The following KIAA1958 variants were observed in gnomAD, a reference collection of about 807,000 sequenced individuals.
The protein encoded by KIAA1958 is KIAA1958, also known as uncharacterized protein KIAA1958.
KIAA1958 carries 14 observed loss-of-function variants against 47.2 expected under a neutral mutation model. The ratio of observed to expected loss-of-function variants is 0.30; its 90% confidence interval spans 0.20 to 0.46. The LOEUF is 0.46. Among genes scored for constraint, KIAA1958 ranks in the 20% least tolerant of loss-of-function variants. The probability of loss-of-function intolerance (pLI) is 1.00; values close to 1 mark genes in which losing one functional copy is unlikely to be tolerated. For missense variants in KIAA1958, 803 were observed against 909.2 expected, an observed-to-expected ratio of 0.88 and a Z score of 1.50; for synonymous variants, 354 against 353.3, an observed-to-expected ratio of 1.00 and a Z score of -0.02.
chr9:112,637,205 C>T (rs184226437), intron 2 of KIAA1958, among the ~76,000 whole-genome samples: 9 of 152,220 alleles, frequency 5.9e-5, no homozygotes, highest in Admixed American at 2.0e-4. Context: ...ACAGCTTATT[C>T]GTTGAGAATC....
intron 1 of KIAA1958, among the ~76,000 whole-genome samples, chr9:112,547,551 A>G (rs1185698846): frequency 2.7e-5 from 4 of 150,592 alleles, no homozygotes; most frequent in African/African-American, 7.4e-5. Flanking sequence ...TTCAGACACA[A>G]TTGGCCAGCA....
At position 112,500,969 on chromosome 9, in the gene KIAA1958, G is replaced by A. The variant is rs564767977; in HGVS notation, c.-25+13851G>A. On this transcript the variant is annotated intron_variant, in intron 1 of 3. Coordinates refer to ENST00000337530, the MANE Select transcript of KIAA1958 (RefSeq NM_133465.4). ...CTACAAAAAAAAAAAAAATTAGCCC[G>A]GCATGGTTGCATGCACCTGTGGTCC... Among the ~76,000 whole-genome samples the A allele has an allele frequency of 1.3e-4, 20 of 151,588 alleles. No homozygotes were observed. The South Asian group carries it at 3.4e-3, about 25-fold the overall frequency.
intron 1 of KIAA1958, among the ~76,000 whole-genome samples, chr9:112,573,482 C>T (rs1187470653): frequency 1.3e-5 from 2 of 152,176 alleles, no homozygotes; most frequent in Non-Finnish European, 2.9e-5. Flanking sequence ...AATCGAGCCC[C>T]TCATCCTCTC....
At chr9:112,537,256 C>T (rs960951181) in intron 1 of KIAA1958, among the ~76,000 whole-genome samples, 1 of 152,070 alleles carries the variant, frequency 6.6e-6, no homozygotes, top group Non-Finnish European at 1.5e-5. Flanking sequence ...CAGGCACAAG[C>T]CACCACACCC....
intron 1 of KIAA1958, among the ~76,000 whole-genome samples, chr9:112,511,765 A>C (rs990945738): frequency 5.9e-5 from 9 of 152,246 alleles, no homozygotes; most frequent in African/African-American, 2.2e-4. Flanking sequence ...AAATTTTAAA[A>C]ATAGAAATAT....
At chr9:112,551,384 C>G (rs909071183) in intron 1 of KIAA1958, among the ~76,000 whole-genome samples, 13 of 152,198 alleles carry the variant, frequency 8.5e-5, no homozygotes, top group African/African-American at 2.9e-4. Flanking sequence ...GTCTTTTTAA[C>G]TAGCTTCTTG....
Position 112,574,619 on chromosome 9 carries a change from C to T in KIAA1958, c.539C>T (p.Ser180Phe), listed in dbSNP as rs762891804. The part of the protein sequence containing the change: ...IARKRPGVVP[S>F]SLHSSSQTQM... ...CGCAAAAGACCTGGGGTAGTCCCAT[C>T]TTCCCTCCATTCAAGCTCCCAGACG... is the stretch of plus-strand genomic sequence containing the variant. Residue 180 changes from serine to phenylalanine, a missense_variant, in exon 2 of 4, where the codon TCT becomes TTT. By Grantham distance (155) the Ser-to-Phe change is radical. Around this residue, in one of 2 missense-constraint regions of KIAA1958, gnomAD observed 761 missense variants for 829.3 expected, o/e 0.92. Coordinates refer to ENST00000337530, the MANE Select transcript of KIAA1958 (RefSeq NM_133465.4). 4.3e-6 allele frequency: 7 copies of T among 1,614,066 alleles called. No homozygotes were observed. The Admixed American group carries it at 5.0e-5, about 12-fold the overall frequency.
intron 1 of KIAA1958, among the ~76,000 whole-genome samples, chr9:112,503,816 A>G (rs891806072): frequency 6.6e-6 from 1 of 151,764 alleles, no homozygotes. Flanking sequence ...TCTCCCTTCC[A>G]TTTTCCCTCC....
Position 112,660,565 on chromosome 9 carries a change from C to CT in KIAA1958, c.*504dup, listed in dbSNP as rs1225489335. ...AGGAGACAGATTGCGCTTGATGCGC[C>CT]TTTTTTTTCTGTTGGTGGATAAGGT... On this transcript the variant is annotated 3_prime_UTR_variant, in exon 4 of 4. Transcript: ENST00000337530. 9.7e-4 allele frequency: 153 copies of CT among 157,032 alleles called. 1 individual carries two copies. Among genetic ancestry groups the CT allele is most frequent in the African/African-American group, 2.4e-3 (101 of 41,436 alleles). The allele number at this position is 157,032 out of a possible 1,614,324, so 9.7% of individuals were successfully genotyped here. A position where few individuals can be genotyped will look rare whatever the true frequency, so the allele number is the denominator to read the frequency against.
intron 1 of KIAA1958, among the ~76,000 whole-genome samples, chr9:112,573,476 G>A (rs148959489): frequency 2.8e-4 from 42 of 152,056 alleles, no homozygotes; most frequent in Non-Finnish European, 4.3e-4. Flanking sequence ...TTCTCAAATC[G>A]AGCCCCTCAT....
At chr9:112,645,066 C>T (rs1428515630) in intron 2 of KIAA1958, among the ~76,000 whole-genome samples, 3 of 150,932 alleles carry the variant, frequency 2.0e-5, no homozygotes, top group Non-Finnish European at 2.9e-5. Flanking sequence ...ACCCAGGAGG[C>T]GGAGGTTGCA....
At chr9:112,538,774 G>A (rs959511996) in intron 1 of KIAA1958, among the ~76,000 whole-genome samples, 1 of 152,152 alleles carries the variant, frequency 6.6e-6, no homozygotes, top group Non-Finnish European at 1.5e-5. Flanking sequence ...AATGATAACA[G>A]TACTATATTA....
intron 1 of KIAA1958, among the ~76,000 whole-genome samples, chr9:112,553,712 A>G (rs1835194895): frequency 6.6e-6 from 1 of 152,170 alleles, no homozygotes; most frequent in African/African-American, 2.4e-5. Flanking sequence ...AATAGGTCAA[A>G]TCTCTGCTTT....
chr9:112,556,751 T>G (rs1835248794), intron 1 of KIAA1958, among the ~76,000 whole-genome samples: 1 of 152,196 alleles, frequency 6.6e-6, no homozygotes, highest in Admixed American at 6.5e-5. Flanking sequence ...AGTGTTGCAG[T>G]TGGATTGTTG....
chr9:112,582,488 C>T (rs1564180689), intron 2 of KIAA1958: 1 of 153,696 alleles, frequency 6.5e-6, no homozygotes, highest in African/African-American at 2.4e-5. Context: ...CTTGTTCTCA[C>T]CTGCTCGATG....
intron 1 of KIAA1958, among the ~76,000 whole-genome samples, chr9:112,559,032 A>T (rs957987044): frequency 6.6e-6 from 1 of 152,210 alleles, no homozygotes; most frequent in Non-Finnish European, 1.5e-5. Flanking sequence ...TACACCCTTC[A>T]GAAGTGTAGC....
At chr9:112,595,035 G>A (rs1346636598) in intron 2 of KIAA1958, among the ~76,000 whole-genome samples, 1 of 151,994 alleles carries the variant, frequency 6.6e-6, no homozygotes, top group Admixed American at 6.6e-5. Flanking sequence ...AAAACATAGG[G>A]ACATCCATAT....
Position 112,662,250 on chromosome 9 carries a change from C to T in KIAA1958, c.*2181C>T, listed in dbSNP as rs1403988250. The T allele has an allele frequency of 6.6e-6, 1 of 152,204 alleles. No homozygotes were observed. The highest frequency in any genetic ancestry group is 1.5e-5 in the Non-Finnish European group (1 of 68,038). The allele number at this position is 152,204 out of a possible 1,614,324, so 9.4% of individuals were successfully genotyped here. A position where few individuals can be genotyped will look rare whatever the true frequency, so the allele number is the denominator to read the frequency against. ...ATTAATAATCAGGAGGGCGAATCTT[C>T]AGTGGCATCTGATGGAATGAAAGAA... On this transcript the variant is annotated 3_prime_UTR_variant, in exon 4 of 4. Coordinates refer to ENST00000337530, the MANE Select transcript of KIAA1958 (RefSeq NM_133465.4).
intron 2 of KIAA1958, among the ~76,000 whole-genome samples, chr9:112,633,823 T>C (rs1238560961): frequency 6.6e-6 from 1 of 152,258 alleles, no homozygotes; most frequent in Non-Finnish European, 1.5e-5. Flanking sequence ...CACTATCATA[T>C]AATAATTCAT....
Sources: allele counts gnomAD v4.1 joint callset (sites outside exome capture counted in the v4.1 genomes callset), GRCh38; gene constraint gnomAD v4.1.1; regional missense constraint gnomAD v4.1.1; transcripts MANE v1.5; gene names NCBI Gene and HGNC (gene_info 2026-07-23, HGNC 2026-07-21).